Variants in DAZAP1 observed in about 807,000 individuals in gnomAD.
The protein encoded by DAZAP1 is DAZ associated protein 1.
Under a neutral mutation model 60.1 loss-of-function variants are expected in DAZAP1, and 6 were observed. That is an observed-to-expected ratio of 0.10 (90% CI 0.05 to 0.20). The LOEUF (loss-of-function observed/expected upper bound fraction) is 0.20, where lower values mean the gene tolerates loss of function less well. Ranked by LOEUF, DAZAP1 falls within the 10% of genes least tolerant of loss-of-function variation. The pLI, the probability that DAZAP1 is intolerant of heterozygous loss-of-function variation, is 1.00. For missense variants in DAZAP1, 366 were observed against 560.4 expected (o/e 0.65, Z 3.50); for synonymous variants, 235 against 215.9 (o/e 1.09, Z -0.78).
In DAZAP1 at chr19:1,432,665, G is replaced by T. The variant is rs2144938793; in HGVS notation, c.1023G>T (p.Gln341His). The stretch of plus-strand genomic sequence containing the variant: ...ACATGAGCAAGCCCCCGACAGCTCA[G>T]CCAGACTTCCCCTATGGTCAGTATG... ...APDMSKPPTA[Q>H]PDFPYGQYAG... Residue 341 changes from glutamine to histidine, a missense_variant, in exon 11 of 12, where the codon CAG becomes CAT. By Grantham distance (24) the Gln-to-His change is conservative. Around this residue, in one of 3 missense-constraint regions of DAZAP1, gnomAD observed 240 missense variants for 308.8 expected, o/e 0.78. Transcript: ENST00000233078. This position sits in a 1 kb window ranked among gnomAD's most constrained non-coding sequence, Gnocchi z 4.9. The T allele has an allele frequency of 6.2e-7, 1 of 1,610,598 alleles. No individual in the cohort carries two copies. Among genetic ancestry groups the T allele is most frequent in the Non-Finnish European group, 8.5e-7 (1 of 1,178,392 alleles).
At chr19:1,430,039 A>G (rs777054604) in intron 9 of DAZAP1, 43 bp downstream of exon 9, 1 of 1,578,342 alleles carries the variant, frequency 6.3e-7, no homozygotes. Context: ...CAGAAGCCAC[A>G]TGGCAGGCTG....
In DAZAP1 at chr19:1,418,818, C is replaced by A. The variant is rs1003519115; in HGVS notation, c.303+87C>A. 2.9e-6 allele frequency: 4 copies of A among 1,396,144 alleles called. No homozygotes were observed. The African/African-American group carries it at 5.8e-5, about 20-fold the overall frequency. 86.5% of individuals were successfully genotyped at this position (1,396,144 alleles called of 1,614,324 possible). A position where few individuals can be genotyped will look rare whatever the true frequency, so the allele number is the denominator to read the frequency against. On this transcript the variant is annotated intron_variant, in intron 4 of 11. Coordinates refer to ENST00000233078, the MANE Select transcript of DAZAP1 (RefSeq NM_018959.4). The surrounding 1 kb of genome is among the most constrained non-coding windows in gnomAD (Gnocchi z 5.7). Reference sequence around the variant, plus strand: ...GTGCCTTCAATCTGCTGTTGTCGCTCGTTAAGATTGAGGGCGACGCAGGTC... The same window carrying A: ...GTGCCTTCAATCTGCTGTTGTCGCTAGTTAAGATTGAGGGCGACGCAGGTC...
chr19:1,419,875 G>A (rs566415136), intron 4 of DAZAP1, among the ~76,000 whole-genome samples: 3 of 139,510 alleles, frequency 2.2e-5, no homozygotes, highest in Non-Finnish European at 4.6e-5. Flanking sequence ...TCACGGCAGC[G>A]AGCACTCACC....
In DAZAP1 at chr19:1,423,172, G is replaced by C. The variant is rs1027851306; in HGVS notation, c.463+776G>C. Among the ~76,000 whole-genome samples, 8 of 152,308 alleles carry C rather than the reference G, an allele frequency of 5.3e-5. No homozygotes were observed. Among genetic ancestry groups the C allele is most frequent in the African/African-American group, 1.9e-4 (8 of 41,562 alleles). On this transcript the variant is annotated intron_variant, in intron 6 of 11. Coordinates refer to ENST00000233078, the MANE Select transcript of DAZAP1 (RefSeq NM_018959.4). This position sits in a 1 kb window ranked among gnomAD's most constrained non-coding sequence, Gnocchi z 6.8. Reference sequence around the variant, plus strand: ...GGCCCAGGTCAGTCGGGGCAGCCCCGAGCGCCAGGTGGCGCCGCAGCATGC... The same window carrying C: ...GGCCCAGGTCAGTCGGGGCAGCCCCCAGCGCCAGGTGGCGCCGCAGCATGC...
chr19:1,408,776 C>T lies in DAZAP1; in HGVS notation c.29+974C>T, dbSNP rs1286083311. Among the ~76,000 whole-genome samples, 9 of 152,364 alleles carry T rather than the reference C, an allele frequency of 5.9e-5. No individual in the cohort carries two copies. The East Asian group carries it at 9.6e-4, about 16-fold the overall frequency. On this transcript the variant is annotated intron_variant, in intron 1 of 11. Coordinates refer to ENST00000233078, the MANE Select transcript of DAZAP1 (RefSeq NM_018959.4). ...TCCGGACCCCGCGGGGCCGGGAAAC[C>T]TCATTTCGCTGTGCCCCAGGGCTCG...
intron 8 of DAZAP1, among the ~76,000 whole-genome samples, chr19:1,429,728 A>T (rs1232210429): frequency 6.6e-6 from 1 of 152,210 alleles, no homozygotes; most frequent in Non-Finnish European, 1.5e-5. Context: ...GTCAGCAGAC[A>T]CAGTGCCCGC....
At position 1,429,863 on chromosome 19, in the gene DAZAP1, C is replaced by T. The variant is rs2083399189; in HGVS notation, c.701-104C>T. 9 of 1,420,958 alleles carry T rather than the reference C, an allele frequency of 6.3e-6. No individual in the cohort carries two copies. In the East Asian group the frequency reaches 2.2e-4, roughly 35 times the overall value. 88.0% of individuals were successfully genotyped at this position (1,420,958 alleles called of 1,614,324 possible). On this transcript the variant is annotated intron_variant, in intron 8 of 11. Coordinates refer to ENST00000233078, the MANE Select transcript of DAZAP1 (RefSeq NM_018959.4). Reference sequence around the variant, plus strand: ...GAACAGGCTCTAAGCACAGGAGGCTCCGGGGTTGGTCCCAGCCCTTGACGT... The same window carrying T: ...GAACAGGCTCTAAGCACAGGAGGCTTCGGGGTTGGTCCCAGCCCTTGACGT...
rs557160724 is a variant in DAZAP1 at position 1,418,814 on chromosome 19, C to A, written c.303+83C>A. ...ATGCGTGCCTTCAATCTGCTGTTGT[C>A]GCTCGTTAAGATTGAGGGCGACGCA... is the stretch of plus-strand genomic sequence containing the variant. On this transcript the variant is annotated intron_variant, in intron 4 of 11. Transcript: ENST00000233078. The surrounding 1 kb of genome is among the most constrained non-coding windows in gnomAD (Gnocchi z 5.7). The A allele has an allele frequency of 2.1e-6, 3 of 1,420,816 alleles. No homozygotes were observed. The highest frequency in any genetic ancestry group is 1.4e-5 in the South Asian group (1 of 73,488). The allele number at this position is 1,420,816 out of a possible 1,614,324, so 88.0% of individuals were successfully genotyped here. A position where few individuals can be genotyped will look rare whatever the true frequency, so the allele number is the denominator to read the frequency against.
At chr19:1,419,933 A>C (rs2083102018) in intron 4 of DAZAP1, among the ~76,000 whole-genome samples, 1 of 119,754 alleles carries the variant, frequency 8.4e-6, no homozygotes, top group African/African-American at 3.4e-5. Context: ...GGCAGCGAGC[A>C]CTCACCCCAC....
At chr19:1,424,686 G>T (rs998046503) in intron 6 of DAZAP1, among the ~76,000 whole-genome samples, 2 of 152,028 alleles carry the variant, frequency 1.3e-5, no homozygotes, top group African/African-American at 4.8e-5. Context: ...CGCCCGTGCT[G>T]CGCTGTCCCC....
At position 1,434,299 on chromosome 19, in the gene DAZAP1, G is replaced by A. The variant is rs1325426716; in HGVS notation, c.1049-438G>A. On this transcript the variant is annotated intron_variant, in intron 11 of 11. Coordinates refer to ENST00000233078, the MANE Select transcript of DAZAP1 (RefSeq NM_018959.4). The surrounding 1 kb of genome is among the most constrained non-coding windows in gnomAD (Gnocchi z 8.0). ...AAGGACAACGTGGGGTCTGGTCTGC[G>A]ACGGAGGGGCAGGCCCTGTATCGCT... 3 of 205,024 alleles carry A rather than the reference G, an allele frequency of 1.5e-5. No homozygotes were observed. Among genetic ancestry groups the A allele is most frequent in the East Asian group, 1.5e-4 (1 of 6,672 alleles). The allele number at this position is 205,024 out of a possible 1,614,324, so 12.7% of individuals were successfully genotyped here.
At position 1,407,712 on chromosome 19, in the gene DAZAP1, C is replaced by T; in HGVS notation, c.-62C>T. The T allele has an allele frequency of 2.8e-6, 3 of 1,060,222 alleles. No homozygotes were observed. Among genetic ancestry groups the T allele is most frequent in the East Asian group, 6.6e-5 (1 of 15,212 alleles). The allele number at this position is 1,060,222 out of a possible 1,614,324, so 65.7% of individuals were successfully genotyped here. ...TGGGGAGGGCGACGGAGCGGGTGAC[C>T]TTCCGGAGGCGGGAGCGAGCGAGGA... On this transcript the variant is annotated 5_prime_UTR_variant, in exon 1 of 12. Transcript: ENST00000233078.
intron 6 of DAZAP1, among the ~76,000 whole-genome samples, chr19:1,424,021 A>T (rs993940114): frequency 1.3e-5 from 2 of 152,100 alleles, no homozygotes; most frequent in Admixed American, 6.5e-5. Flanking sequence ...CCTCCCAGAG[A>T]GTGTGTCCCC....
At chr19:1,414,154 A>G (rs1172902421) in intron 1 of DAZAP1, among the ~76,000 whole-genome samples, 3 of 151,190 alleles carry the variant, frequency 2.0e-5, no homozygotes, top group African/African-American at 7.3e-5. Flanking sequence ...AGTGGCTAGG[A>G]TTACAGGTGC....
chr19:1,415,582 C>T (rs530381977), intron 1 of DAZAP1, among the ~76,000 whole-genome samples: 2 of 151,348 alleles, frequency 1.3e-5, no homozygotes, highest in East Asian at 1.9e-4. Context: ...TGACTCAGCG[C>T]GGGCACAGCC....
rs560753995 is a variant in DAZAP1 at position 1,421,387 on chromosome 19, G to A, written c.414+129G>A. 2.9e-4 allele frequency: 224 copies of A among 760,612 alleles called. 2 individuals are homozygous for A. In the South Asian group the frequency reaches 3.5e-3, roughly 12 times the overall value. 47.1% of individuals were successfully genotyped at this position (760,612 alleles called of 1,614,324 possible). On this transcript the variant is annotated intron_variant, in intron 5 of 11. Coordinates refer to ENST00000233078, the MANE Select transcript of DAZAP1 (RefSeq NM_018959.4). ...TTTCAGGCTGGGAGCTCGCTGTCTC[G>A]TATTTCCCCAACGCCTGCGCCCTCC...
Position 1,418,997 on chromosome 19 carries a change from T to C in DAZAP1, c.303+266T>C, listed in dbSNP as rs2083069737. Among the ~76,000 whole-genome samples, 1 of 152,008 alleles carries C rather than the reference T, an allele frequency of 6.6e-6. No homozygotes were observed. The highest frequency in any genetic ancestry group is 2.4e-5 in the African/African-American group (1 of 41,364). On this transcript the variant is annotated intron_variant, in intron 4 of 11. Coordinates refer to ENST00000233078, the MANE Select transcript of DAZAP1 (RefSeq NM_018959.4). The surrounding 1 kb of genome is among the most constrained non-coding windows in gnomAD (Gnocchi z 5.7). Reference sequence around the variant, plus strand: ...TCAGGAGCCAGTCAGCTTCCCTCTGTGCCCTGTGTGCCCTCTGTGCCGGGC... The same window carrying C: ...TCAGGAGCCAGTCAGCTTCCCTCTGCGCCCTGTGTGCCCTCTGTGCCGGGC...
intron 10 of DAZAP1, among the ~76,000 whole-genome samples, chr19:1,431,759 T>C (rs1219833215): frequency 6.6e-6 from 1 of 152,204 alleles, no homozygotes; most frequent in Non-Finnish European, 1.5e-5. Flanking sequence ...GTGTCCTTTC[T>C]GGGAGCCTTG....
At chr19:1,427,154 C>G (rs757871866) in intron 7 of DAZAP1, 2 of 152,160 alleles carry the variant, frequency 1.3e-5, no homozygotes, top group Admixed American at 6.6e-5. Context: ...ATGAGCCTGC[C>G]GGCTGCATGG....
Sources: allele counts gnomAD v4.1 joint callset (sites outside exome capture counted in the v4.1 genomes callset), GRCh38; gene constraint gnomAD v4.1.1; regional missense constraint gnomAD v4.1.1; non-coding constraint Gnocchi (gnomAD v3.1); transcripts MANE v1.5; gene names NCBI Gene and HGNC (gene_info 2026-07-23, HGNC 2026-07-21).